Variants in SNTG1 observed in about 807,000 individuals in gnomAD.
The protein encoded by SNTG1 is gamma-1-syntrophin.
Under a neutral mutation model 74.7 loss-of-function variants are expected in SNTG1, and 39 were observed. The observed-to-expected ratio is 0.52, with a 90% CI of 0.40 to 0.68. The LOEUF is 0.68. Among genes scored for constraint, SNTG1 ranks in the 30% least tolerant of loss-of-function variants. SNTG1 has a pLI of 0.00. For synonymous variants in SNTG1, 254 were observed against 217.1 expected (o/e 1.17, Z -1.49); for missense variants, 685 against 609.5 (o/e 1.12, Z -1.30).
intron 1 of SNTG1, among the ~76,000 whole-genome samples, chr8:50,002,891 A>G (rs1375902077): frequency 1.3e-5 from 2 of 152,214 alleles, no homozygotes; most frequent in Non-Finnish European, 2.9e-5. Context: ...TGGTATTTCC[A>G]TACAGTGGAA....
chr8:50,116,823 T>C (rs573428294), intron 1 of SNTG1, among the ~76,000 whole-genome samples: 1 of 152,280 alleles, frequency 6.6e-6, no homozygotes, highest in East Asian at 1.9e-4. Context: ...TTCTGAGCTC[T>C]ATGCTATTCA....
rs568434361 is a variant in SNTG1 at position 50,691,577 on chromosome 8, C to G, written c.1039-13023C>G. On this transcript the variant is annotated intron_variant, in intron 15 of 18. Coordinates refer to ENST00000642720, the MANE Select transcript of SNTG1 (RefSeq NM_018967.5). ...TCTTTAAGAATGTTGAATATTGGTC[C>G]CCACTCTCTTCTGGCTTGTAGAGTT... Among the ~76,000 whole-genome samples the G allele has an allele frequency of 1.1e-4, 17 of 152,190 alleles. No individual in the cohort carries two copies. The East Asian group carries it at 3.3e-3, about 29-fold the overall frequency.
intron 1 of SNTG1, among the ~76,000 whole-genome samples, chr8:50,039,289 A>C (rs1469392001): frequency 2.6e-5 from 4 of 151,912 alleles, no homozygotes; most frequent in Non-Finnish European, 4.4e-5. Flanking sequence ...TACTGTGTCT[A>C]CTAAAAATGC....
At chr8:50,033,146 G>T (rs7816568) in intron 1 of SNTG1, among the ~76,000 whole-genome samples, 15,802 of 149,298 alleles carry the variant, frequency 0.11, 2,112 homozygotes, top group African/African-American at 0.31. Context: ...ACGGAGTTTC[G>T]CTCTTGTTGC....
intron 1 of SNTG1, among the ~76,000 whole-genome samples, chr8:49,940,461 A>C (rs564799612): frequency 4.1e-4 from 62 of 152,244 alleles, no homozygotes; most frequent in African/African-American, 1.5e-3. Flanking sequence ...TACCTGCTTT[A>C]TCTCTTAACT....
intron 4 of SNTG1, among the ~76,000 whole-genome samples, chr8:50,412,417 A>G (rs910781676): frequency 6.6e-6 from 1 of 152,110 alleles, no homozygotes; most frequent in Non-Finnish European, 1.5e-5. Context: ...AAACTATTGA[A>G]TTTCTGATTC....
chr8:50,513,068 T>C (rs1284256633), intron 9 of SNTG1, among the ~76,000 whole-genome samples: 1 of 152,168 alleles, frequency 6.6e-6, no homozygotes, highest in African/African-American at 2.4e-5. Flanking sequence ...TGGTCTTTGA[T>C]GATGGTGATG....
chr8:50,330,277 T>C, intron 2 of SNTG1, among the ~76,000 whole-genome samples: 1 of 152,140 alleles, frequency 6.6e-6, no homozygotes, highest in East Asian at 1.9e-4. Context: ...AGGATCTGTT[T>C]GTTTCCCCTT....
chr8:50,609,235 T>C (rs1431082494), intron 13 of SNTG1, among the ~76,000 whole-genome samples: 1 of 152,082 alleles, frequency 6.6e-6, no homozygotes, highest in East Asian at 1.9e-4. Context: ...GAATATTTTG[T>C]AGCTGTGAAT....
At chr8:50,433,568 A>G (rs2093267078) in intron 4 of SNTG1, among the ~76,000 whole-genome samples, 1 of 151,708 alleles carries the variant, frequency 6.6e-6, no homozygotes, top group Non-Finnish European at 1.5e-5. Flanking sequence ...ACTTGGTTTC[A>G]ATCACAACTT....
chr8:50,508,389 A>G (rs956206425), intron 9 of SNTG1, among the ~76,000 whole-genome samples: 4 of 152,174 alleles, frequency 2.6e-5, no homozygotes, highest in Admixed American at 1.3e-4. Context: ...ATACGTGTGC[A>G]TGTGTCTTTA....
chr8:50,097,047 G>T (rs1164358602), intron 1 of SNTG1, among the ~76,000 whole-genome samples: 1 of 151,962 alleles, frequency 6.6e-6, no homozygotes, highest in Admixed American at 6.6e-5. Context: ...TCTGCTTACT[G>T]TAAGCTCCAC....
At chr8:50,743,620 T>A (rs923769377) in intron 17 of SNTG1, among the ~76,000 whole-genome samples, 9 of 151,322 alleles carry the variant, frequency 5.9e-5, no homozygotes, top group Admixed American at 1.3e-4. Context: ...ATGGTATTAT[T>A]GACAGTTTTA....
chr8:50,001,523 C>T (rs557552590), intron 1 of SNTG1, among the ~76,000 whole-genome samples: 1 of 152,316 alleles, frequency 6.6e-6, no homozygotes, highest in South Asian at 2.1e-4. Flanking sequence ...GAACACTCAT[C>T]ATCTATTGTC....
chr8:50,650,565 C>T (rs2095138700), intron 13 of SNTG1, among the ~76,000 whole-genome samples: 1 of 151,990 alleles, frequency 6.6e-6, no homozygotes, highest in Admixed American at 6.6e-5. Context: ...TTCACTAGTT[C>T]CTCAAGTTTT....
At chr8:50,274,494 A>T (rs967906310) in intron 2 of SNTG1, among the ~76,000 whole-genome samples, 4 of 151,564 alleles carry the variant, frequency 2.6e-5, no homozygotes, top group Admixed American at 6.6e-5. Flanking sequence ...GTGGAAAAAT[A>T]AAAAAAAAGT....
At chr8:50,201,694 T>C (rs1563731852) in intron 2 of SNTG1, among the ~76,000 whole-genome samples, 2 of 152,158 alleles carry the variant, frequency 1.3e-5, no homozygotes, top group Non-Finnish European at 2.9e-5. Flanking sequence ...CTTGATGTGC[T>C]TTTCTTTTAG....
At chr8:50,271,149 G>T (rs1260522733) in intron 2 of SNTG1, among the ~76,000 whole-genome samples, 2 of 152,170 alleles carry the variant, frequency 1.3e-5, no homozygotes, top group Non-Finnish European at 2.9e-5. Flanking sequence ...TAAGGGAGAA[G>T]ATTATAGAAG....
intron 1 of SNTG1, among the ~76,000 whole-genome samples, chr8:49,998,595 C>T (rs972667177): frequency 6.7e-5 from 10 of 150,354 alleles, no homozygotes; most frequent in Non-Finnish European, 1.5e-4. Context: ...AAGACACACA[C>T]ACACACACAC....
Sources: allele counts gnomAD v4.1 joint callset (sites outside exome capture counted in the v4.1 genomes callset), GRCh38; gene constraint gnomAD v4.1.1; transcripts MANE v1.5; gene names NCBI Gene and HGNC (gene_info 2026-07-23, HGNC 2026-07-21).